MUSK: variants seen among roughly 807,000 people sequenced by gnomAD.
The protein encoded by MUSK is muscle, skeletal receptor tyrosine-protein kinase.
MUSK carries 55 observed loss-of-function variants against 88.7 expected under a neutral mutation model. That is an observed-to-expected ratio of 0.62 (90% CI 0.50 to 0.78). The LOEUF (loss-of-function observed/expected upper bound fraction) is 0.78. Ranked by LOEUF, MUSK falls within the 30% of genes least tolerant of loss-of-function variation. The pLI is 0.00. For synonymous variants in MUSK, 387 were observed against 391.9 expected, an observed-to-expected ratio of 0.99 and a Z score of 0.15; for missense variants, 1,015 against 1,074.3, an observed-to-expected ratio of 0.94 and a Z score of 0.77.
intron 10 of MUSK, 104 bp downstream of exon 10, chr9:110,776,067 A>T (rs1468770937): frequency 9.2e-6 from 10 of 1,090,942 alleles, no homozygotes; most frequent in Admixed American, 2.7e-5. Flanking sequence ...GGCATTTCTA[A>T]TTTTTTTTTT....
chr9:110,696,030 G>GT (rs766635020), intron 4 of MUSK, among the ~76,000 whole-genome samples: 31 of 152,112 alleles, frequency 2.0e-4, no homozygotes, highest in Admixed American at 6.5e-4. Context: ...AGTCACGCCT[G>GT]TAATTCCAGC....
intron 5 of MUSK, among the ~76,000 whole-genome samples, chr9:110,721,778 G>C (rs1398740706): frequency 6.6e-6 from 1 of 152,010 alleles, no homozygotes; most frequent in Non-Finnish European, 1.5e-5. Context: ...GAGCCCACAT[G>C]GCCAAAGCAA....
chr9:110,751,846 C>G (rs1435876277), intron 7 of MUSK, among the ~76,000 whole-genome samples: 1 of 152,114 alleles, frequency 6.6e-6, no homozygotes, highest in East Asian at 1.9e-4. Flanking sequence ...TGACCATATA[C>G]AGAATCATAG....
At chr9:110,758,115 C>T (rs953534447) in intron 7 of MUSK, among the ~76,000 whole-genome samples, 3 of 152,046 alleles carry the variant, frequency 2.0e-5, no homozygotes, top group African/African-American at 7.3e-5. Context: ...AGGTGTGTGC[C>T]ATAACGCCCA....
At position 110,747,948 on chromosome 9, in the gene MUSK, C is replaced by T. The variant is rs773877092; in HGVS notation, c.913+148C>T. The T allele has an allele frequency of 3.6e-5, 39 of 1,079,328 alleles. No individual in the cohort carries two copies. The East Asian group carries it at 6.6e-4, about 18-fold the overall frequency. 66.9% of individuals were successfully genotyped at this position (1,079,328 alleles called of 1,614,324 possible). A position where few individuals can be genotyped will look rare whatever the true frequency, so the allele number is the denominator to read the frequency against. On this transcript the variant is annotated intron_variant, in intron 7 of 14. Coordinates refer to ENST00000374448, the MANE Select transcript of MUSK (RefSeq NM_005592.4). ...TATTTCCTCCCCCATGGGGATACTC[C>T]GGAGGTGACCTAGATATGGATTTTG...
chr9:110,789,011 A>G (rs764573249), intron 14 of MUSK, among the ~76,000 whole-genome samples: 2 of 152,188 alleles, frequency 1.3e-5, no homozygotes, highest in Admixed American at 6.5e-5. Flanking sequence ...CAAAGATGAG[A>G]TCAGAGAGGT....
Position 110,800,373 on chromosome 9 carries a change from G to A in MUSK, c.1995G>A (p.Glu665=), listed in dbSNP as rs766214380. 6.2e-7 allele frequency: 1 copy of A among 1,613,850 alleles called. No individual in the cohort carries two copies. Among genetic ancestry groups the A allele is most frequent in the Non-Finnish European group, 8.5e-7 (1 of 1,179,862 alleles). Residue 665 remains glutamate, a synonymous_variant, in exon 15 of 15, where the codon GAG becomes GAA. Coordinates refer to ENST00000374448, the MANE Select transcript of MUSK (RefSeq NM_005592.4). The part of the protein sequence containing the change: ...FEYMAYGDLN[E]FLRSMSPHTV... The stretch of plus-strand genomic sequence containing the variant: ...ACATGGCCTATGGTGACCTCAATGA[G>A]TTCCTCCGCAGCATGTCCCCTCACA...
intron 1 of MUSK, among the ~76,000 whole-genome samples, chr9:110,672,763 C>G (rs2075976205): frequency 6.6e-6 from 1 of 152,082 alleles, no homozygotes; most frequent in African/African-American, 2.4e-5. Flanking sequence ...CACCTTGTTT[C>G]TTTATGTACC....
At chr9:110,776,441 A>G (rs1275480558) in intron 10 of MUSK, among the ~76,000 whole-genome samples, 191 bp from the exon 11 acceptor site, 1 of 152,220 alleles carries the variant, frequency 6.6e-6, no homozygotes, top group African/African-American at 2.4e-5. Context: ...GTAAGGAACT[A>G]TGTTGTTATC....
chr9:110,780,286 A>G (rs1678241498), intron 11 of MUSK, among the ~76,000 whole-genome samples: 1 of 152,136 alleles, frequency 6.6e-6, no homozygotes, highest in Non-Finnish European at 1.5e-5. Flanking sequence ...GCAGTGCTCT[A>G]TTTATTCTTC....
rs570893976 is a variant in MUSK at position 110,772,268 on chromosome 9, G to C, written c.1185-3520G>C. On this transcript the variant is annotated intron_variant, in intron 9 of 14. Coordinates refer to ENST00000374448, the MANE Select transcript of MUSK (RefSeq NM_005592.4). ...ATGTCCCAGATCAGTTTACATGCCT[G>C]AGCCACAGATGTTCTTTCTAATCTT... Among the ~76,000 whole-genome samples the C allele has an allele frequency of 2.7e-4, 41 of 151,620 alleles. 1 individual carries two copies. The highest frequency in any genetic ancestry group is 1.4e-3 in the Admixed American group (22 of 15,256).
intron 3 of MUSK, among the ~76,000 whole-genome samples, chr9:110,688,527 T>C (rs375004554): frequency 3.0e-3 from 459 of 152,196 alleles, no homozygotes; most frequent in African/African-American, 0.01. Context: ...TAGGTAAACA[T>C]GTGCCATGGT....
At chr9:110,687,490 A>G (rs1466688236) in intron 3 of MUSK, among the ~76,000 whole-genome samples, 1 of 151,844 alleles carries the variant, frequency 6.6e-6, no homozygotes, top group Non-Finnish European at 1.5e-5. Context: ...GCGTGCCACC[A>G]AGCTCAGCTA....
intron 4 of MUSK, 47 bp from the exon 5 acceptor site, chr9:110,697,278 T>C (rs777933853): frequency 5.6e-6 from 9 of 1,602,958 alleles, no homozygotes; most frequent in Non-Finnish European, 6.0e-6. Context: ...AATGTATCCT[T>C]GATAGACCCA....
intron 7 of MUSK, among the ~76,000 whole-genome samples, chr9:110,751,181 A>C (rs187084402): frequency 6.6e-6 from 1 of 152,190 alleles, no homozygotes; most frequent in Non-Finnish European, 1.5e-5. Flanking sequence ...GATTGCCACC[A>C]TACTATATGC....
chr9:110,731,089 C>T (rs1215870134), intron 5 of MUSK, among the ~76,000 whole-genome samples: 3 of 152,070 alleles, frequency 2.0e-5, no homozygotes, highest in Admixed American at 6.6e-5. Flanking sequence ...TCATCATGTT[C>T]GTTCATTTAT....
intron 6 of MUSK, among the ~76,000 whole-genome samples, chr9:110,745,091 G>A (rs934747490): frequency 3.3e-5 from 5 of 152,184 alleles, no homozygotes; most frequent in African/African-American, 1.2e-4. Flanking sequence ...ATCAAGCAAG[G>A]CCTCTGGAAG....
chr9:110,767,416 T>C (rs189409080), intron 8 of MUSK, among the ~76,000 whole-genome samples: 6 of 152,384 alleles, frequency 3.9e-5, no homozygotes, highest in African/African-American at 1.4e-4. Flanking sequence ...ACTTTTTAGG[T>C]GAGAGCAATT....
In MUSK at chr9:110,803,920, G is replaced by C. The variant is rs1479457014; in HGVS notation, c.*2932G>C. Among the ~76,000 whole-genome samples the C allele has an allele frequency of 6.6e-6, 1 of 152,056 alleles. No individual in the cohort carries two copies. The highest frequency in any genetic ancestry group is 2.4e-5 in the African/African-American group (1 of 41,392). On this transcript the variant is annotated 3_prime_UTR_variant, in exon 15 of 15. Transcript: ENST00000374448. ...CAGTGTCACTGTTACCAAGTGCCAG[G>C]ACAGATATCAGTAAGGCACCAGCAG...
Sources: allele counts gnomAD v4.1 joint callset (sites outside exome capture counted in the v4.1 genomes callset), GRCh38; gene constraint gnomAD v4.1.1; transcripts MANE v1.5; gene names NCBI Gene and HGNC (gene_info 2026-07-23, HGNC 2026-07-21).